ESR1: variants seen among roughly 807,000 people sequenced by gnomAD.
ESR1 encodes the protein estrogen receptor.
In ESR1, 12 loss-of-function variants were observed where a neutral mutation model predicts 52.7. That is an observed-to-expected ratio of 0.23 (90% confidence interval 0.15 to 0.37). The LOEUF is 0.37. Among genes scored for constraint, ESR1 ranks in the 10% least tolerant of loss-of-function variants. The pLI, the probability that ESR1 is intolerant of heterozygous loss-of-function variation, is 1.00. For missense variants in ESR1, 584 were observed against 779.7 expected, an observed-to-expected ratio of 0.75 and a Z score of 2.99; for synonymous variants, 305 against 316.8, an observed-to-expected ratio of 0.96 and a Z score of 0.39.
intron 2 of ESR1, among the ~76,000 whole-genome samples, chr6:151,710,001 T>C (rs1446326577): frequency 6.6e-6 from 1 of 151,808 alleles, no homozygotes; most frequent in Non-Finnish European, 1.5e-5. Context: ...AATTTTTTTA[T>C]ATAAAAGTGG....
chr6:151,735,757 T>C (rs1203667232), intron 2 of ESR1, among the ~76,000 whole-genome samples: 1 of 152,184 alleles, frequency 6.6e-6, no homozygotes, highest in African/African-American at 2.4e-5. Context: ...ATGATATGCT[T>C]TGGCTCTGTG....
chr6:152,126,531 T>C (rs2053518049), exon 7 of ESR1: 1 of 152,196 alleles, frequency 6.6e-6, no homozygotes, highest in East Asian at 1.9e-4. Flanking sequence ...AAATTAAATG[T>C]GTGAGCCTCC....
chr6:151,779,847 C>T (rs1264003627), intron 2 of ESR1, among the ~76,000 whole-genome samples: 2 of 128,968 alleles, frequency 1.6e-5, no homozygotes, highest in Non-Finnish European at 3.4e-5. Flanking sequence ...TTGCAGTGAG[C>T]CGAGATCCCG....
Position 151,947,867 on chromosome 6 carries a change from TG to T in ESR1, c.1096+3360del, listed in dbSNP as rs538638798. Among the ~76,000 whole-genome samples, 646 of 103,894 alleles carry T rather than the reference TG, an allele frequency of 6.2e-3. 4 individuals are homozygous for T. The highest frequency in any genetic ancestry group is 0.017 in the African/African-American group (625 of 37,472). The allele number at this position is 103,894 out of a possible 152,430, so 68.2% of individuals were successfully genotyped here. A position where few individuals can be genotyped will look rare whatever the true frequency, so the allele number is the denominator to read the frequency against. On this transcript the variant is annotated intron_variant, in intron 4 of 7. Transcript: ENST00000206249. ...CTATGAAGCCAGCTCTGACAAAAGA[TG>T]TTTTTTTTATAACACATACTATGTA...
chr6:151,945,438 T>C (rs897012325), intron 4 of ESR1, among the ~76,000 whole-genome samples: 1 of 152,216 alleles, frequency 6.6e-6, no homozygotes, highest in Admixed American at 6.5e-5. Flanking sequence ...GTTCCTTCAG[T>C]TGATTCTCTC....
At chr6:151,666,717 TCC>T (rs1777839438) in intron 1 of ESR1, among the ~76,000 whole-genome samples, 1 of 143,288 alleles carries the variant, frequency 7.0e-6, no homozygotes, top group Non-Finnish European at 1.5e-5. Flanking sequence ...CTCCTCCTCC[TCC>T]TCCTCCTCCT....
At chr6:151,846,554 T>C (rs1785161721) in intron 2 of ESR1, among the ~76,000 whole-genome samples, 1 of 152,218 alleles carries the variant, frequency 6.6e-6, no homozygotes, top group Admixed American at 6.5e-5. Flanking sequence ...CCTGTTTTCC[T>C]TGTTACTTAA....
intron 5 of ESR1, among the ~76,000 whole-genome samples, chr6:152,052,677 A>G (rs966538999): frequency 1.1e-4 from 17 of 152,214 alleles, no homozygotes; most frequent in African/African-American, 3.1e-4. Context: ...AGGAGGAAAG[A>G]GTAGAGCATA....
At chr6:151,991,803 C>A (rs2041050259) in intron 4 of ESR1, among the ~76,000 whole-genome samples, 1 of 152,186 alleles carries the variant, frequency 6.6e-6, no homozygotes, top group Non-Finnish European at 1.5e-5. Flanking sequence ...GTTCCCCACA[C>A]AAACCCTGAG....
chr6:151,971,659 T>C, intron 4 of ESR1, among the ~76,000 whole-genome samples: 1 of 152,038 alleles, frequency 6.6e-6, no homozygotes, highest in Non-Finnish European at 1.5e-5. Context: ...GCAAAAGCAG[T>C]GTCAAGAGGA....
intron 5 of ESR1, among the ~76,000 whole-genome samples, chr6:152,035,912 A>G (rs9397472): frequency 0.12 from 17,571 of 152,192 alleles, 1,261 homozygotes; most frequent in East Asian, 0.33. Flanking sequence ...ATAATTCCAG[A>G]TGAATGTAGG....
chr6:151,660,244 C>G (rs1777593606), intron 1 of ESR1, among the ~76,000 whole-genome samples: 1 of 152,182 alleles, frequency 6.6e-6, no homozygotes, highest in African/African-American at 2.4e-5. Flanking sequence ...GGAAAAGGTA[C>G]AGTTGTGTTC....
intron 2 of ESR1, among the ~76,000 whole-genome samples, chr6:151,710,405 A>G (rs2127998029): frequency 6.6e-6 from 1 of 152,314 alleles, no homozygotes; most frequent in South Asian, 2.1e-4. Context: ...AAAAATATTT[A>G]TCACACAATA....
intron 3 of ESR1, among the ~76,000 whole-genome samples, chr6:151,942,953 A>G (rs2035251033): frequency 6.6e-6 from 1 of 152,204 alleles, no homozygotes; most frequent in South Asian, 2.1e-4. Flanking sequence ...ATGTTAATAC[A>G]TTTCAGCAGT....
chr6:151,848,228 A>G (rs10080239), intron 2 of ESR1, among the ~76,000 whole-genome samples: 3,472 of 104,388 alleles, frequency 0.033, 88 homozygotes, highest in East Asian at 0.12. Context: ...TATCGCAAGA[A>G]CAAAAAACCA....
At chr6:151,991,920 C>T (rs2041064803) in intron 4 of ESR1, among the ~76,000 whole-genome samples, 1 of 152,118 alleles carries the variant, frequency 6.6e-6, no homozygotes, top group Non-Finnish European at 1.5e-5. Context: ...CATTCCCATA[C>T]TCCTGGTTGA....
Position 151,667,149 on chromosome 6 carries a change from A to G in ESR1, n.73+10386A>G, listed in dbSNP as rs551588245. On this transcript the variant is annotated intron_variant and non_coding_transcript_variant, in intron 1 of 2. Transcript: ENST00000473497. ...AGCCTCCCTTCTTCCTTTGGGTTGA[A>G]TGGTCTTTACTCATTCTTTATGTAG... Among the ~76,000 whole-genome samples the G allele has an allele frequency of 1.7e-4, 26 of 152,256 alleles. No homozygotes were observed. The South Asian group carries it at 5.0e-3, about 29-fold the overall frequency.
intron 4 of ESR1, among the ~76,000 whole-genome samples, chr6:151,979,534 A>T (rs1584613581): frequency 6.6e-6 from 1 of 152,296 alleles, no homozygotes. Flanking sequence ...TAAAACTGTG[A>T]CTTCTGAAGA....
chr6:151,936,288 T>G (rs1301448585), intron 3 of ESR1: 1 of 152,158 alleles, frequency 6.6e-6, no homozygotes, highest in Non-Finnish European at 1.5e-5. Context: ...GGAGAGCAAC[T>G]TTGAGGAAAT....
Sources: gnomAD v4.1 joint callset for allele counts (sites outside exome capture counted in the v4.1 genomes callset) on GRCh38, gnomAD v4.1.1 for gene constraint, MANE v1.5 for transcripts, NCBI Gene and HGNC (gene_info 2026-07-23, HGNC 2026-07-21) for gene names.